PREX1: variants seen among roughly 807,000 people sequenced by gnomAD.
PREX1 encodes phosphatidylinositol 3,4,5-trisphosphate-dependent Rac exchanger 1 protein.
PREX1 carries 41 observed loss-of-function variants against 198.3 expected under a neutral mutation model. The ratio of observed to expected loss-of-function variants is 0.21; its 90% CI spans 0.16 to 0.27. The LOEUF (loss-of-function observed/expected upper bound fraction) is 0.27, where lower values mean the gene tolerates loss of function less well. Ranked by LOEUF, PREX1 falls within the 10% of genes least tolerant of loss-of-function variation. PREX1 has a pLI of 1.00. For synonymous variants in PREX1, 843 were observed against 887.2 expected (o/e 0.95, Z 0.89); for missense variants, 1,620 against 2,200.7 (o/e 0.74, Z 5.28).
At chr20:48,673,506 T>A (rs1333201760) in intron 14 of PREX1, among the ~76,000 whole-genome samples, 1 of 152,164 alleles carries the variant, frequency 6.6e-6, no homozygotes, top group African/African-American at 2.4e-5. Flanking sequence ...CTGAAGGAGC[T>A]TGGGAAATAT....
chr20:48,814,690 T>C (rs983329866), intron 1 of PREX1, among the ~76,000 whole-genome samples: 2 of 152,200 alleles, frequency 1.3e-5, no homozygotes, highest in Non-Finnish European at 2.9e-5. Context: ...AACCTCCATG[T>C]TCCACCTCCA....
At chr20:48,818,007 T>G (rs373537605) in intron 1 of PREX1, among the ~76,000 whole-genome samples, 10 of 151,398 alleles carry the variant, frequency 6.6e-5, no homozygotes, top group Non-Finnish European at 1.5e-4. Flanking sequence ...AATGGTGAGG[T>G]GGGGATGTGC....
At chr20:48,869,307 T>G in the PREX1 span, among the ~76,000 whole-genome samples, 1 of 2,500 alleles carries the variant, frequency 4.0e-4, no homozygotes, top group Non-Finnish European at 9.8e-4. Flanking sequence ...TGTTGTTTTG[T>G]TTTTTTTTTT....
At chr20:48,670,858 G>A (rs1049079885) in intron 14 of PREX1, among the ~76,000 whole-genome samples, 5 of 152,198 alleles carry the variant, frequency 3.3e-5, no homozygotes, top group Non-Finnish European at 5.9e-5. Flanking sequence ...CCTGGTGGCT[G>A]TGTGCCCTGC....
intron 1 of PREX1, among the ~76,000 whole-genome samples, chr20:48,791,211 A>T (rs1379456547): frequency 6.6e-6 from 1 of 152,196 alleles, no homozygotes; most frequent in Non-Finnish European, 1.5e-5. Context: ...GACAAAGCAC[A>T]CAGAAATAAA....
At chr20:48,711,259 G>A (rs1176950737) in intron 5 of PREX1, among the ~76,000 whole-genome samples, 2 of 152,088 alleles carry the variant, frequency 1.3e-5, no homozygotes, top group African/African-American at 2.4e-5. Context: ...CACAGATGAC[G>A]GCAGACACTC....
chr20:48,756,078 C>T (rs1476135121), intron 1 of PREX1, among the ~76,000 whole-genome samples: 5 of 152,154 alleles, frequency 3.3e-5, no homozygotes, highest in East Asian at 1.9e-4. Context: ...AACAGAGCAG[C>T]GGCAAGGCAA....
the PREX1 span, among the ~76,000 whole-genome samples, chr20:48,855,995 G>C: frequency 6.6e-6 from 1 of 152,242 alleles, no homozygotes; most frequent in Non-Finnish European, 1.5e-5. Flanking sequence ...GGGATGGAGA[G>C]TGACGAGGGA....
At chr20:48,661,468 T>TATATATACAC (rs1373152651) in intron 15 of PREX1, among the ~76,000 whole-genome samples, 38 of 76,792 alleles carry the variant, frequency 4.9e-4, no homozygotes, top group African/African-American at 2.9e-3. Flanking sequence ...TATATATATA[T>TATATATACAC]ACACACACAT....
chr20:48,704,912 G>A (rs566905910), intron 6 of PREX1, among the ~76,000 whole-genome samples: 2 of 152,204 alleles, frequency 1.3e-5, no homozygotes, highest in African/African-American at 2.4e-5. Flanking sequence ...AGCTTCACAT[G>A]GAAGTCCATG....
At chr20:48,781,901 G>A (rs1180888465) in intron 1 of PREX1, among the ~76,000 whole-genome samples, 2 of 152,156 alleles carry the variant, frequency 1.3e-5, no homozygotes, top group African/African-American at 4.8e-5. Context: ...TTGAACCTTG[G>A]GGGACACATT....
chr20:48,859,038 G>A, the PREX1 span, among the ~76,000 whole-genome samples: 1 of 151,968 alleles, frequency 6.6e-6, no homozygotes, highest in African/African-American at 2.4e-5. Context: ...TAGGACTACA[G>A]GCATGTGCCA....
At chr20:48,713,724 G>C (rs577817742) in intron 5 of PREX1, among the ~76,000 whole-genome samples, 11 of 148,184 alleles carry the variant, frequency 7.4e-5, no homozygotes, top group Admixed American at 7.4e-4. Context: ...GTGACAGAAC[G>C]AACCTGTCTC....
intron 4 of PREX1, among the ~76,000 whole-genome samples, chr20:48,728,801 T>C (rs574787933): frequency 6.6e-6 from 1 of 152,240 alleles, no homozygotes; most frequent in East Asian, 1.9e-4. Context: ...ACACTCTAGA[T>C]TGTGGTTTCA....
At chr20:48,877,383 C>T in the PREX1 span, among the ~76,000 whole-genome samples, 2 of 152,202 alleles carry the variant, frequency 1.3e-5, no homozygotes, top group African/African-American at 4.8e-5. Context: ...AAGAACATCA[C>T]CAAGATCAGA....
chr20:48,880,586 T>G, the PREX1 span, among the ~76,000 whole-genome samples: 27 of 152,216 alleles, frequency 1.8e-4, no homozygotes, highest in African/African-American at 6.3e-4. Flanking sequence ...AATGAAAAAA[T>G]CCTGTAATCC....
chr20:48,634,065 G>C (rs55908702), intron 33 of PREX1, among the ~76,000 whole-genome samples: 2 of 113,950 alleles, frequency 1.8e-5, no homozygotes, highest in Non-Finnish European at 3.9e-5. Context: ...ATGGATGAGT[G>C]GGATGGATGG....
the PREX1 span, among the ~76,000 whole-genome samples, chr20:48,866,228 T>C: frequency 6.6e-6 from 1 of 152,186 alleles, no homozygotes; most frequent in Non-Finnish European, 1.5e-5. Flanking sequence ...ACTTTGTGCA[T>C]GTTTTAATGT....
At chr20:48,745,234 G>C in intron 2 of PREX1, 87 bp from the exon 3 acceptor site, 1 of 1,406,802 alleles carries the variant, frequency 7.1e-7, no homozygotes, top group African/African-American at 1.4e-5. Flanking sequence ...ACCTCGGTGC[G>C]GGTGACATTG....
Sources: allele counts gnomAD v4.1 joint callset (sites outside exome capture counted in the v4.1 genomes callset), GRCh38; gene constraint gnomAD v4.1.1; transcripts MANE v1.5; gene names NCBI Gene and HGNC (gene_info 2026-07-23, HGNC 2026-07-21).